Variants in OSTF1 observed in about 807,000 individuals in gnomAD.
OSTF1 encodes osteoclast stimulating factor 1, also known as osteoclast-stimulating factor 1.
OSTF1 carries 27 observed loss-of-function variants against 37.2 expected under a neutral mutation model. That is an observed-to-expected ratio of 0.73 (90% CI 0.54 to 1.00). OSTF1 has a LOEUF of 1.00. Among genes scored for constraint, OSTF1 ranks in the 50% least tolerant of loss-of-function variants. OSTF1 has a pLI of 0.00. For synonymous variants in OSTF1, 82 were observed against 89.2 expected, an observed-to-expected ratio of 0.92 and a Z score of 0.46; for missense variants, 232 against 253.8, an observed-to-expected ratio of 0.91 and a Z score of 0.58.
intron 9 of OSTF1, among the ~76,000 whole-genome samples, chr9:75,146,469 T>C (rs892107631): frequency 2.6e-5 from 4 of 152,220 alleles, no homozygotes; most frequent in African/African-American, 9.6e-5. Context: ...CCAAAACTTC[T>C]GCATGACTGT....
intron 5 of OSTF1, 109 bp downstream of exon 5, chr9:75,131,932 T>G: frequency 1.3e-6 from 1 of 769,632 alleles, no homozygotes; most frequent in Non-Finnish European, 2.2e-6. Flanking sequence ...GATCAAGATC[T>G]AGAACATTTC....
At position 75,146,686 on chromosome 9, in the gene OSTF1, C is replaced by T. The variant is rs140944422; in HGVS notation, c.590C>T (p.Ala197Val). The change falls in exon 10 of 10, where the codon GCA (alanine) becomes GTA (valine). Residue 197 changes from alanine (A) to valine (V), a missense_variant. By Grantham distance (64) the Ala-to-Val change is moderately conservative (BLOSUM62 0). Transcript: ENST00000346234. Reference sequence around the variant, plus strand: ...TTTTCCCTCCTCTTTCTTTCAGATGCAGTTCGAACATTAAGCAATGCCGAG... The same window carrying T: ...TTTTCCCTCCTCTTTCTTTCAGATGTAGTTCGAACATTAAGCAATGCCGAG... ...SLLKKKQGTD[A>V]VRTLSNAEDY... 11 of 1,606,488 alleles carry T rather than the reference C, an allele frequency of 6.8e-6. No homozygotes were observed. The African/African-American group carries it at 1.5e-4, about 22-fold the overall frequency.
rs551852370 is a variant in OSTF1 at position 75,140,597 on chromosome 9, T to C, written c.488-237T>C. Among the ~76,000 whole-genome samples, 143 of 152,336 alleles carry C rather than the reference T, an allele frequency of 9.4e-4. 1 individual carries two copies. Among genetic ancestry groups the C allele is most frequent in the Middle Eastern group, 3.4e-3 (1 of 294 alleles). On this transcript the variant is annotated intron_variant, in intron 8 of 9. Transcript: ENST00000346234. Reference sequence around the variant, plus strand: ...TCACTGAAAAGTTCACATGCAATTCTATAGGGACTCAAAAGGTTCGGAATT... The same window carrying C: ...TCACTGAAAAGTTCACATGCAATTCCATAGGGACTCAAAAGGTTCGGAATT...
intron 1 of OSTF1, among the ~76,000 whole-genome samples, chr9:75,117,043 T>C (rs1415809776): frequency 6.6e-6 from 1 of 152,178 alleles, no homozygotes; most frequent in Non-Finnish European, 1.5e-5. Flanking sequence ...TGTAGTCACA[T>C]TGATATATAA....
chr9:75,107,296 A>T (rs559375811), intron 1 of OSTF1, among the ~76,000 whole-genome samples: 10 of 152,270 alleles, frequency 6.6e-5, no homozygotes, highest in Admixed American at 5.9e-4. Context: ...AATAATTAAT[A>T]CTTTTTCTTA....
chr9:75,090,085 A>G (rs971112362), intron 1 of OSTF1, among the ~76,000 whole-genome samples: 2 of 152,216 alleles, frequency 1.3e-5, no homozygotes, highest in Non-Finnish European at 2.9e-5. Flanking sequence ...GTGCATATGT[A>G]TGAGGTAGCT....
rs575400072 is a variant in OSTF1, at chr9:75,088,542, G to T, written c.-151G>T. 3 of 809,286 alleles carry T rather than the reference G, an allele frequency of 3.7e-6. No individual in the cohort carries two copies. Among genetic ancestry groups the T allele is most frequent in the East Asian group, 5.4e-5 (2 of 36,706 alleles). 50.1% of individuals were successfully genotyped at this position (809,286 alleles called of 1,614,324 possible). A position where few individuals can be genotyped will look rare whatever the true frequency, so the allele number is the denominator to read the frequency against. On this transcript the variant is annotated 5_prime_UTR_variant, in exon 1 of 10. Transcript: ENST00000346234. ...CGGCGGAGCCGCTCTGCCTGCGTCC[G>T]CTCTTCCCGCAGCCAAGGGTGGGCG...
At chr9:75,121,755 C>G (rs1208463729) in intron 2 of OSTF1, among the ~76,000 whole-genome samples, 1 of 152,188 alleles carries the variant, frequency 6.6e-6, no homozygotes, top group Admixed American at 6.5e-5. Context: ...GCCATCTTCT[C>G]TGGAGGGATA....
At chr9:75,120,849 A>G (rs1825569325) in intron 2 of OSTF1, among the ~76,000 whole-genome samples, 1 of 152,126 alleles carries the variant, frequency 6.6e-6, no homozygotes, top group Non-Finnish European at 1.5e-5. Context: ...CTCACAGTAG[A>G]ACCTATCTCT....
chr9:75,127,354 T>C (rs1163585558), intron 2 of OSTF1, among the ~76,000 whole-genome samples: 1 of 152,218 alleles, frequency 6.6e-6, no homozygotes, highest in Non-Finnish European at 1.5e-5. Context: ...GGAGAATCTT[T>C]ATATATGTAA....
rs1826042354 is a variant in OSTF1, at chr9:75,147,223, T to C, written c.*482T>C. On this transcript the variant is annotated 3_prime_UTR_variant, in exon 10 of 10. Coordinates refer to ENST00000346234, the MANE Select transcript of OSTF1 (RefSeq NM_012383.5). ...ATTTCTTTTGTCCGTTTCTGTGGTA[T>C]CACTCATTGTCGTTAAGTAAGTAAA... 6.6e-6 allele frequency: 1 copy of C among 152,288 alleles called. No individual in the cohort carries two copies. The highest frequency in any genetic ancestry group is 2.4e-5 in the African/African-American group (1 of 41,442). The allele number at this position is 152,288 out of a possible 1,614,324, so 9.4% of individuals were successfully genotyped here. A position where few individuals can be genotyped will look rare whatever the true frequency, so the allele number is the denominator to read the frequency against.
intron 3 of OSTF1, among the ~76,000 whole-genome samples, chr9:75,129,262 A>G (rs1825724879): frequency 6.6e-6 from 1 of 152,196 alleles, no homozygotes; most frequent in Admixed American, 6.5e-5. Context: ...AGAGAATGCT[A>G]GGAAATCAGG....
intron 1 of OSTF1, among the ~76,000 whole-genome samples, chr9:75,093,787 G>C (rs1396516972): frequency 6.6e-6 from 1 of 152,162 alleles, no homozygotes; most frequent in Non-Finnish European, 1.5e-5. Context: ...AAATATGCAC[G>C]TGAATAGTCT....
intron 5 of OSTF1, among the ~76,000 whole-genome samples, chr9:75,132,451 T>C (rs538136056): frequency 6.6e-6 from 1 of 152,284 alleles, no homozygotes; most frequent in East Asian, 1.9e-4. Flanking sequence ...TGGAGACATG[T>C]TGACTGTCAT....
chr9:75,096,116 C>T (rs1407127298), intron 1 of OSTF1, among the ~76,000 whole-genome samples: 1 of 152,162 alleles, frequency 6.6e-6, no homozygotes, highest in African/African-American at 2.4e-5. Flanking sequence ...TGGTCTCGAT[C>T]TCCTGACCTC....
At chr9:75,130,817 G>A (rs765425152) in intron 4 of OSTF1, among the ~76,000 whole-genome samples, 176 bp downstream of exon 4, 1 of 152,126 alleles carries the variant, frequency 6.6e-6, no homozygotes, top group Admixed American at 6.6e-5. Context: ...AGATGTGCTT[G>A]AGCCTGACTC....
Position 75,088,667 on chromosome 9 carries a change from T to C in OSTF1, c.-26T>C. On this transcript the variant is annotated 5_prime_UTR_variant, in exon 1 of 10. Transcript: ENST00000346234. ...GCGGTGGGCTTTTCGGCGGGGTCTT[T>C]AGGATTTGCAGCTCCAGGAAGCGAG... The C allele has an allele frequency of 6.2e-7, 1 of 1,604,552 alleles. No homozygotes were observed. The highest frequency in any genetic ancestry group is 1.1e-5 in the South Asian group (1 of 89,790).
At chr9:75,135,547 A>G (rs911557949) in intron 7 of OSTF1, among the ~76,000 whole-genome samples, 1 of 151,758 alleles carries the variant, frequency 6.6e-6, no homozygotes, top group African/African-American at 2.4e-5. Flanking sequence ...CTTGGATTGA[A>G]CCTTCAGTTT....
At position 75,117,495 on chromosome 9, in the gene OSTF1, C is replaced by CT. The variant is rs778233026; in HGVS notation, c.35-3dup. On this transcript the variant is annotated splice_polypyrimidine_tract_variant and intron_variant, in intron 1 of 9. Coordinates refer to ENST00000346234, the MANE Select transcript of OSTF1 (RefSeq NM_012383.5). Reference sequence around the variant, plus strand: ...AAAATTCAGTTGTTGTTTTTTCTTCCTTTTTTAGGGCAAGTTAAAGTCTTC... The same window carrying CT: ...AAAATTCAGTTGTTGTTTTTTCTTCCTTTTTTTAGGGCAAGTTAAAGTCTTC... 3.7e-6 allele frequency: 6 copies of CT among 1,605,526 alleles called. No individual in the cohort carries two copies. Among genetic ancestry groups the CT allele is most frequent in the South Asian group, 3.3e-5 (3 of 90,168 alleles).
Sources: gnomAD v4.1 joint callset for allele counts (sites outside exome capture counted in the v4.1 genomes callset) on GRCh38, gnomAD v4.1.1 for gene constraint, MANE v1.5 for transcripts, NCBI Gene and HGNC (gene_info 2026-07-23, HGNC 2026-07-21) for gene names.